Variants in ARHGEF3 observed in about 807,000 individuals in gnomAD.
ARHGEF3 encodes the protein Rho guanine nucleotide exchange factor 3.
ARHGEF3 carries 28 observed loss-of-function variants against 63.2 expected under a neutral mutation model. The observed-to-expected ratio is 0.44, with a 90% confidence interval of 0.33 to 0.61. The LOEUF is 0.61. ARHGEF3 is among the 20% of genes least tolerant of loss of function. The pLI is 0.03. For synonymous variants in ARHGEF3, 266 were observed against 254.2 expected, an observed-to-expected ratio of 1.05 and a Z score of -0.44; for missense variants, 533 against 659.3, an observed-to-expected ratio of 0.81 and a Z score of 2.10.
intron 2 of ARHGEF3, among the ~76,000 whole-genome samples, chr3:56,762,201 G>A (rs540511438): frequency 6.6e-6 from 1 of 152,214 alleles, no homozygotes; most frequent in Admixed American, 6.5e-5. Context: ...GAGGGACCTG[G>A]CCTTGGGCAG....
intron 1 of ARHGEF3, among the ~76,000 whole-genome samples, chr3:56,781,120 G>C (rs2036542028): frequency 2.0e-5 from 3 of 152,298 alleles, no homozygotes; most frequent in South Asian, 2.1e-4. Context: ...GTGGAGACTG[G>C]AGTGATGTAT....
Position 56,745,314 on chromosome 3 carries a change from T to C in ARHGEF3, c.761A>G (p.Asn254Ser). ...SPFSRKLDLW[N>S]FLDIPRSRLV... Reference sequence around the variant, plus strand: ...GCGGCTTCTTGGAATATCGAGGAAATTCCAGAGATCTAGTTTGCGGCTAAA... The same window carrying C: ...GCGGCTTCTTGGAATATCGAGGAAACTCCAGAGATCTAGTTTGCGGCTAAA... The change falls in exon 7 of 10, where the codon AAT becomes AGT. Residue 254 changes from asparagine (N) to serine (S), a missense_variant. Asn to Ser is a conservative substitution (Grantham distance 46, BLOSUM62 1). Transcript: ENST00000296315. 1 of 1,614,014 alleles carries C rather than the reference T, an allele frequency of 6.2e-7. No homozygotes were observed. The highest frequency in any genetic ancestry group is 8.5e-7 in the Non-Finnish European group (1 of 1,180,020).
chr3:56,942,727 G>A (rs577546782), intron 3 of ARHGEF3, among the ~76,000 whole-genome samples: 43 of 152,310 alleles, frequency 2.8e-4, no homozygotes, highest in African/African-American at 8.4e-4. Flanking sequence ...CCCAACAGCC[G>A]AGTTGTAAGT....
chr3:56,878,398 C>G (rs963344737), intron 4 of ARHGEF3, among the ~76,000 whole-genome samples: 1 of 152,176 alleles, frequency 6.6e-6, no homozygotes, highest in Admixed American at 6.5e-5. Flanking sequence ...TGTGTTCTAA[C>G]CCACCAGGAA....
chr3:56,834,629 A>C (rs1258014476), intron 4 of ARHGEF3, among the ~76,000 whole-genome samples: 2 of 151,912 alleles, frequency 1.3e-5, no homozygotes, highest in Non-Finnish European at 2.9e-5. Context: ...GTGTGGTGGC[A>C]CATGCCTGTA....
chr3:57,020,044 G>A (rs1416077805), intron 2 of ARHGEF3, among the ~76,000 whole-genome samples: 6 of 152,122 alleles, frequency 3.9e-5, no homozygotes, highest in East Asian at 1.9e-4. Context: ...GACTACAGGC[G>A]AGCGCCACCT....
At chr3:57,010,506 C>T (rs548149205) in intron 2 of ARHGEF3, among the ~76,000 whole-genome samples, 6 of 151,678 alleles carry the variant, frequency 4.0e-5, no homozygotes, top group Middle Eastern at 3.4e-3. Flanking sequence ...ATGTGCACTC[C>T]TCTATATGTG....
chr3:56,797,627 C>G (rs1014850532), intron 1 of ARHGEF3, among the ~76,000 whole-genome samples: 1 of 152,096 alleles, frequency 6.6e-6, no homozygotes, highest in Non-Finnish European at 1.5e-5. Context: ...ACCAGTAACC[C>G]TCTGGCTTTT....
chr3:57,042,681 TATATATATATATATATA>T (rs1185423936), intron 1 of ARHGEF3, among the ~76,000 whole-genome samples: 1,578 of 35,760 alleles, frequency 0.044, 173 homozygotes, highest in African/African-American at 0.1. Context: ...TATATATATA[TATATATATATATATATA>T]TATTTTTTTT....
At chr3:57,027,268 C>T (rs898370446) in intron 2 of ARHGEF3, among the ~76,000 whole-genome samples, 2 of 152,226 alleles carry the variant, frequency 1.3e-5, no homozygotes, top group Non-Finnish European at 2.9e-5. Flanking sequence ...AGGGTACTCA[C>T]TTCCTCCCCT....
rs146595496 is a variant in ARHGEF3 at position 56,775,800 on chromosome 3, GCACACA to G, written c.97-1990_97-1985del. ...AATACACACACACACACACGCGCAAGCACACACACACACACACACACTGCCTCTTAA... is the reference window on the plus strand; with the variant it reads ...AATACACACACACACACACGCGCAAGCACACACACACACACTGCCTCTTAA... On this transcript the variant is annotated intron_variant, in intron 1 of 9. Transcript: ENST00000296315. 4.5e-3 allele frequency: 960 copies of G among 213,806 alleles called. 14 individuals carry two copies. Among genetic ancestry groups the G allele is most frequent in the African/African-American group, 0.022 (912 of 41,294 alleles). 13.2% of individuals were successfully genotyped at this position (213,806 alleles called of 1,614,324 possible). A position where few individuals can be genotyped will look rare whatever the true frequency, so the allele number is the denominator to read the frequency against.
chr3:56,741,648 C>T (rs1298316961), intron 7 of ARHGEF3, among the ~76,000 whole-genome samples: 3 of 151,700 alleles, frequency 2.0e-5, no homozygotes, highest in Admixed American at 6.6e-5. Flanking sequence ...GGACTACAGG[C>T]GCCTGCCACC....
At chr3:56,962,553 A>T (rs1429187080) in intron 2 of ARHGEF3, among the ~76,000 whole-genome samples, 1 of 152,206 alleles carries the variant, frequency 6.6e-6, no homozygotes, top group African/African-American at 2.4e-5. Flanking sequence ...TGTCACAAGG[A>T]TAAGTATGAC....
chr3:56,791,643 A>C (rs2037081845), intron 1 of ARHGEF3, among the ~76,000 whole-genome samples: 1 of 152,158 alleles, frequency 6.6e-6, no homozygotes, highest in Admixed American at 6.5e-5. Context: ...AGTGCTGCTT[A>C]TCACCTACCC....
chr3:56,989,508 C>G (rs1701664968), intron 2 of ARHGEF3, among the ~76,000 whole-genome samples: 1 of 152,174 alleles, frequency 6.6e-6, no homozygotes, highest in Non-Finnish European at 1.5e-5. Flanking sequence ...TGCAGAAAAC[C>G]CCAGCAGGTC....
chr3:56,909,406 G>A (rs2041793717), intron 3 of ARHGEF3, among the ~76,000 whole-genome samples: 2 of 152,196 alleles, frequency 1.3e-5, no homozygotes, highest in Admixed American at 1.3e-4. Context: ...TGCTTGGCTG[G>A]TGCAGAGCCT....
At chr3:57,070,139 C>G (rs1288283344) in intron 1 of ARHGEF3, among the ~76,000 whole-genome samples, 3 of 152,174 alleles carry the variant, frequency 2.0e-5, no homozygotes, top group Non-Finnish European at 4.4e-5. Context: ...TCTCCTATCA[C>G]CACCTGGTGC....
At chr3:56,936,500 A>T (rs1048733458) in intron 3 of ARHGEF3, among the ~76,000 whole-genome samples, 2 of 152,202 alleles carry the variant, frequency 1.3e-5, no homozygotes, top group African/African-American at 4.8e-5. Flanking sequence ...TGCATAGCAA[A>T]TTAGCATCAC....
chr3:57,042,700 A>ATATATTTTTT (rs1704272727), intron 1 of ARHGEF3, among the ~76,000 whole-genome samples: 1 of 66,118 alleles, frequency 1.5e-5, no homozygotes, highest in Non-Finnish European at 2.9e-5. Context: ...ATATATATAT[A>ATATATTTTTT]TTTTTTTTTT....
Sources: allele counts gnomAD v4.1 joint callset (sites outside exome capture counted in the v4.1 genomes callset), GRCh38; gene constraint gnomAD v4.1.1; transcripts MANE v1.5; gene names NCBI Gene and HGNC (gene_info 2026-07-23, HGNC 2026-07-21).